The following RSPH1 variants were observed in gnomAD, a reference collection of about 807,000 sequenced individuals.
The protein encoded by RSPH1 is radial spoke head component 1.
A neutral mutation model predicts 44.2 loss-of-function variants in RSPH1; 32 were observed. The ratio of observed to expected loss-of-function variants is 0.72; its 90% confidence interval spans 0.55 to 0.97. The LOEUF is 0.97. RSPH1 is among the 50% of genes least tolerant of loss of function. RSPH1 has a pLI of 0.00. For missense variants in RSPH1, 391 were observed against 398.7 expected (o/e 0.98, Z 0.16); for synonymous variants, 134 against 147.3 (o/e 0.91, Z 0.65).
chr21:42,485,907 A>G, intron 4 of RSPH1, 103 bp from the exon 5 acceptor site: 10 of 1,423,500 alleles, frequency 7.0e-6, no homozygotes, highest in Non-Finnish European at 9.8e-6. Flanking sequence ...AGGCTGTTGC[A>G]GGCTCACAAG....
In RSPH1 at chr21:42,486,502, G is replaced by A. The variant is rs567856822; in HGVS notation, c.275-41C>T. 18 of 1,371,222 alleles carry A rather than the reference G, an allele frequency of 1.3e-5. No individual in the cohort carries two copies. The South Asian group carries it at 1.6e-4, about 12-fold the overall frequency. 84.9% of individuals were successfully genotyped at this position (1,371,222 alleles called of 1,614,324 possible). ...CAAAGGCAAGCCCAGGTGAGAAGAAGGGATCGATGCCCTGTACCATGTCTT... is the reference window on the plus strand; with the variant it reads ...CAAAGGCAAGCCCAGGTGAGAAGAAAGGATCGATGCCCTGTACCATGTCTT... On this transcript the variant is annotated intron_variant, in intron 3 of 8. Coordinates refer to ENST00000291536, the MANE Select transcript of RSPH1 (RefSeq NM_080860.4).
Position 42,496,177 on chromosome 21 carries a change from G to A in RSPH1, c.10C>T (p.Leu4=), listed in dbSNP as rs1405439414. 2.5e-6 allele frequency: 4 copies of A among 1,614,076 alleles called. No individual in the cohort carries two copies. The highest frequency in any genetic ancestry group is 1.3e-5 in the African/African-American group (1 of 74,944). MSD[L]GSEELEEEGE... is the part of the protein sequence containing the mutation. ...TCCTCCTCCAACTCCTCCGAGCCCA[G>A]GTCCGACATGGTCTCGCCCCAGCCT... Residue 4 remains leucine, a synonymous_variant, in exon 1 of 9, where the codon CTG becomes TTG. Transcript: ENST00000291536.
chr21:42,490,853 C>T (rs917212173), intron 3 of RSPH1, among the ~76,000 whole-genome samples: 1 of 318 alleles, frequency 3.1e-3, no homozygotes, highest in Non-Finnish European at 5.8e-3. Flanking sequence ...CCAGCCCCAC[C>T]CACCAACTTT....
chr21:42,494,540 TA>T (rs1251127756), intron 1 of RSPH1, among the ~76,000 whole-genome samples: 1 of 152,168 alleles, frequency 6.6e-6, no homozygotes, highest in Non-Finnish European at 1.5e-5. Flanking sequence ...GGTGGCTGAA[TA>T]AGACAGAAAT....
At chr21:42,488,997 T>TTGGC (rs2054208267) in intron 3 of RSPH1, among the ~76,000 whole-genome samples, 2 of 151,960 alleles carry the variant, frequency 1.3e-5, no homozygotes, top group Non-Finnish European at 2.9e-5. Context: ...AGTTGGTTGG[T>TTGGC]TGGTTGGTTG....
At position 42,496,125 on chromosome 21, in the gene RSPH1, G is replaced by C. The variant is rs1395898085; in HGVS notation, c.54+8C>G. 2 of 1,614,036 alleles carry C rather than the reference G, an allele frequency of 1.2e-6. No individual in the cohort carries two copies. The highest frequency in any genetic ancestry group is 2.7e-5 in the African/African-American group (2 of 74,928). On this transcript the variant is annotated splice_region_variant and intron_variant, in intron 1 of 8. Transcript: ENST00000291536. ...CCTGGGAAGCCCTTTCTCACCAGGA[G>C]CTCTCACCCCAATATCATTCTCTCC...
chr21:42,488,659 G>A (rs1162277051), intron 3 of RSPH1, among the ~76,000 whole-genome samples: 1 of 152,134 alleles, frequency 6.6e-6, no homozygotes, highest in African/African-American at 2.4e-5. Flanking sequence ...CAAGAGGACG[G>A]TGAGCAAAAT....
chr21:42,492,607 C>T (rs2054247005), intron 3 of RSPH1, 151 bp downstream of exon 3: 1 of 600,752 alleles, frequency 1.7e-6, no homozygotes, highest in Non-Finnish European at 3.0e-6. Flanking sequence ...TGCATCAACA[C>T]TGTGAATATA....
intron 7 of RSPH1, among the ~76,000 whole-genome samples, 171 bp downstream of exon 7, chr21:42,477,120 C>T (rs1283590126): frequency 3.0e-4 from 42 of 138,092 alleles, no homozygotes; most frequent in African/African-American, 1.1e-3. Flanking sequence ...CTCCACAGCC[C>T]GGGGATGCCC....
chr21:42,477,902 A>T (rs1346713371), intron 6 of RSPH1, among the ~76,000 whole-genome samples: 1 of 152,134 alleles, frequency 6.6e-6, no homozygotes, highest in Non-Finnish European at 1.5e-5. Flanking sequence ...AATTATTTAT[A>T]TTATTCTTTA....
intron 1 of RSPH1, among the ~76,000 whole-genome samples, chr21:42,495,729 G>A (rs558612140): frequency 1.3e-4 from 20 of 152,264 alleles, no homozygotes; most frequent in Admixed American, 3.3e-4. Context: ...TCTAAATGCC[G>A]GGGGAGCAAA....
intron 6 of RSPH1, among the ~76,000 whole-genome samples, chr21:42,478,940 T>C (rs1215167982): frequency 1.3e-5 from 2 of 152,094 alleles, no homozygotes. Context: ...AGAAAGAAAG[T>C]AGATTAAAAG....
At position 42,474,316 on chromosome 21, in the gene RSPH1, T is replaced by G. The variant is rs985726127; in HGVS notation, c.878-1446A>C. Among the ~76,000 whole-genome samples the G allele has an allele frequency of 1.4e-4, 22 of 152,152 alleles. No homozygotes were observed. The highest frequency in any genetic ancestry group is 3.3e-4 in the Admixed American group (5 of 15,280). ...GAATTTCCTTCCTGGTTTCACCCAT[T>G]CCTTGCCACCTCCCTCCCAGCTAAC... On this transcript the variant is annotated intron_variant, in intron 8 of 8. Transcript: ENST00000291536. This position sits in a 1 kb window ranked among gnomAD's most constrained non-coding sequence, Gnocchi z 5.2.
chr21:42,480,380 G>A (rs1000015484), intron 6 of RSPH1, among the ~76,000 whole-genome samples: 5 of 152,226 alleles, frequency 3.3e-5, no homozygotes, highest in South Asian at 2.1e-4. Flanking sequence ...AGTGGCTTAC[G>A]CCTATAGTCC....
intron 6 of RSPH1, among the ~76,000 whole-genome samples, chr21:42,480,740 G>A (rs964497577): frequency 6.6e-6 from 1 of 152,048 alleles, no homozygotes; most frequent in African/African-American, 2.4e-5. Context: ...TCAAGGCCAG[G>A]GCCCTTGGGG....
At chr21:42,494,179 C>T (rs1450255130) in intron 1 of RSPH1, among the ~76,000 whole-genome samples, 1 of 152,172 alleles carries the variant, frequency 6.6e-6, no homozygotes, top group Non-Finnish European at 1.5e-5. Context: ...TAATAAAATG[C>T]TGAAAGCATC....
rs150348163 is a variant in RSPH1 at position 42,477,256 on chromosome 21, C to A, written c.727+35G>T. The stretch of plus-strand genomic sequence containing the variant: ...GCCCGGGGGTGCCCCACACCCTCTG[C>A]CCCCTCCACCCCACAGCCCGGGGGT... On this transcript the variant is annotated intron_variant, in intron 7 of 8. Transcript: ENST00000291536. The A allele has an allele frequency of 0.03, 40,356 of 1,339,332 alleles. 847 individuals are homozygous for A. Among genetic ancestry groups the A allele is most frequent in the Non-Finnish European group, 0.033 (32,648 of 977,642 alleles). 83.0% of individuals were successfully genotyped at this position (1,339,332 alleles called of 1,614,324 possible). A position where few individuals can be genotyped will look rare whatever the true frequency, so the allele number is the denominator to read the frequency against.
intron 3 of RSPH1, among the ~76,000 whole-genome samples, chr21:42,490,012 G>A (rs79343922): frequency 0.046 from 6,954 of 152,172 alleles, 504 homozygotes; most frequent in African/African-American, 0.16. Context: ...AGGGAATAGG[G>A]ATGCTCTTTC....
chr21:42,481,189 G>T (rs2054124287), intron 6 of RSPH1, among the ~76,000 whole-genome samples: 1 of 152,156 alleles, frequency 6.6e-6, no homozygotes, highest in Admixed American at 6.5e-5. Context: ...GTTCACACAA[G>T]AACTGGTTGT....
Sources: allele counts gnomAD v4.1 joint callset (sites outside exome capture counted in the v4.1 genomes callset), GRCh38; gene constraint gnomAD v4.1.1; non-coding constraint Gnocchi (gnomAD v3.1); transcripts MANE v1.5; gene names NCBI Gene and HGNC (gene_info 2026-07-23, HGNC 2026-07-21).